The following ROBO2 variants were observed in gnomAD, a reference collection of about 807,000 sequenced individuals.
ROBO2 encodes the protein roundabout homolog 2.
Under a neutral mutation model 160.8 loss-of-function variants are expected in ROBO2, and 53 were observed. The observed-to-expected ratio is 0.33, with a 90% CI of 0.26 to 0.41. The LOEUF is 0.41. Among genes scored for constraint, ROBO2 ranks in the 10% least tolerant of loss-of-function variants. The pLI, the probability that ROBO2 is intolerant of heterozygous loss-of-function variation, is 1.00. For missense variants in ROBO2, 1,577 were observed against 1,722.4 expected (o/e 0.92, Z 1.49); for synonymous variants, 664 against 611.7 (o/e 1.09, Z -1.26).
chr3:77,062,795 A>G (rs1289641213), intron 1 of ROBO2, among the ~76,000 whole-genome samples: 4 of 152,204 alleles, frequency 2.6e-5, no homozygotes, highest in Non-Finnish European at 5.9e-5. Flanking sequence ...GCCAGTTTTG[A>G]TTGATTTGAG....
chr3:77,110,615 G>GATAATC (rs891267376), intron 2 of ROBO2, among the ~76,000 whole-genome samples: 1 of 149,706 alleles, frequency 6.7e-6, no homozygotes, highest in African/African-American at 2.4e-5. Flanking sequence ...GGATCATACA[G>GATAATC]TTAAATGTAA....
At chr3:76,095,016 G>A (rs1022125859) in intron 2 of ROBO2, among the ~76,000 whole-genome samples, 2 of 152,146 alleles carry the variant, frequency 1.3e-5, no homozygotes, top group African/African-American at 4.8e-5. Flanking sequence ...CAGCATTAAT[G>A]TCAGCATCAA....
chr3:77,612,954 A>G (rs13094239), intron 21 of ROBO2, among the ~76,000 whole-genome samples: 5,018 of 152,114 alleles, frequency 0.033, 127 homozygotes, highest in Non-Finnish European at 0.051. Context: ...CTCCGTCTCA[A>G]AAAAAAAGAA....
At chr3:76,090,755 A>G (rs2069199325) in intron 2 of ROBO2, among the ~76,000 whole-genome samples, 1 of 151,726 alleles carries the variant, frequency 6.6e-6, no homozygotes, top group Non-Finnish European at 1.5e-5. Flanking sequence ...ATAGAACGGA[A>G]CGGAACGGAA....
chr3:76,210,056 A>G (rs192490681), intron 2 of ROBO2, among the ~76,000 whole-genome samples: 1 of 152,270 alleles, frequency 6.6e-6, no homozygotes. Context: ...AATAGAGCAG[A>G]GAGGAATAGC....
chr3:77,201,369 C>T (rs1013697721), intron 2 of ROBO2, among the ~76,000 whole-genome samples: 1 of 152,174 alleles, frequency 6.6e-6, no homozygotes, highest in Non-Finnish European at 1.5e-5. Context: ...TTCCAGAAAG[C>T]AGCAAACTCC....
At chr3:76,290,505 T>C (rs1240872891) in intron 2 of ROBO2, among the ~76,000 whole-genome samples, 1 of 152,084 alleles carries the variant, frequency 6.6e-6, no homozygotes, top group Non-Finnish European at 1.5e-5. Context: ...ATCTGGATGC[T>C]TTTTATTTAT....
intron 2 of ROBO2, among the ~76,000 whole-genome samples, chr3:76,205,339 A>G (rs1280427580): frequency 6.6e-6 from 1 of 152,140 alleles, no homozygotes; most frequent in African/African-American, 2.4e-5. Flanking sequence ...CCAAGATGGA[A>G]GTGAGGAGAG....
At chr3:76,635,048 G>C (rs1405784590) in intron 2 of ROBO2, among the ~76,000 whole-genome samples, 1 of 152,176 alleles carries the variant, frequency 6.6e-6, no homozygotes, top group African/African-American at 2.4e-5. Flanking sequence ...ACCCACTGTG[G>C]AAAAACTGTC....
chr3:76,847,915 TAAG>T (rs1295121181), intron 2 of ROBO2, among the ~76,000 whole-genome samples: 4 of 152,066 alleles, frequency 2.6e-5, no homozygotes, highest in Non-Finnish European at 5.9e-5. Flanking sequence ...CTAATGACAT[TAAG>T]AAGAGATGAC....
chr3:76,023,557 TATTA>T (rs1217672501), intron 2 of ROBO2, among the ~76,000 whole-genome samples: 1 of 151,654 alleles, frequency 6.6e-6, no homozygotes, highest in Non-Finnish European at 1.5e-5. Context: ...ACACACATGA[TATTA>T]ATTAAGTTCA....
chr3:76,485,192 A>G (rs1560025339), intron 2 of ROBO2, among the ~76,000 whole-genome samples: 1 of 152,072 alleles, frequency 6.6e-6, no homozygotes, highest in African/African-American at 2.4e-5. Context: ...CTCATAATGT[A>G]CAATCAGTCG....
At chr3:77,154,396 C>T (rs928078559) in intron 2 of ROBO2, among the ~76,000 whole-genome samples, 3 of 152,026 alleles carry the variant, frequency 2.0e-5, no homozygotes, top group Non-Finnish European at 2.9e-5. Context: ...GAAAAGGGAA[C>T]ATTTATACAT....
intron 2 of ROBO2, among the ~76,000 whole-genome samples, chr3:77,297,038 T>A (rs966900342): frequency 6.0e-5 from 7 of 116,390 alleles, no homozygotes; most frequent in African/African-American, 1.9e-4. Context: ...AAACTAAAAA[T>A]TTTTTTTTTT....
intron 2 of ROBO2, among the ~76,000 whole-genome samples, chr3:76,064,907 G>A (rs2068200117): frequency 6.6e-6 from 1 of 152,010 alleles, no homozygotes; most frequent in Non-Finnish European, 1.5e-5. Flanking sequence ...TAAAAGAAAG[G>A]TATGATTTTT....
chr3:76,606,685 T>C (rs2087685266), intron 2 of ROBO2, among the ~76,000 whole-genome samples: 1 of 152,114 alleles, frequency 6.6e-6, no homozygotes, highest in Non-Finnish European at 1.5e-5. Flanking sequence ...ATGTTTGTCT[T>C]TCTTTACTTG....
At chr3:76,745,620 T>C (rs2093872604) in intron 2 of ROBO2, among the ~76,000 whole-genome samples, 1 of 151,982 alleles carries the variant, frequency 6.6e-6, no homozygotes, top group South Asian at 2.1e-4. Context: ...GGCCCTTTTG[T>C]GTGTGCTTGA....
At chr3:76,203,617 G>A (rs1217555889) in intron 2 of ROBO2, among the ~76,000 whole-genome samples, 4 of 139,714 alleles carry the variant, frequency 2.9e-5, no homozygotes, top group Admixed American at 7.6e-5. Context: ...CACAGGTCAC[G>A]GTTCTAGTAA....
intron 2 of ROBO2, among the ~76,000 whole-genome samples, chr3:77,114,781 AT>A (rs551021403): frequency 4.6e-5 from 7 of 152,044 alleles, no homozygotes; most frequent in Non-Finnish European, 5.9e-5. Flanking sequence ...CAAAGAAGTA[AT>A]TTTTTTACTC....
Sources: gnomAD v4.1 joint callset for allele counts (sites outside exome capture counted in the v4.1 genomes callset) on GRCh38, gnomAD v4.1.1 for gene constraint, MANE v1.5 for transcripts, NCBI Gene and HGNC (gene_info 2026-07-23, HGNC 2026-07-21) for gene names.